The following LMO7 variants were observed in gnomAD, a reference collection of about 807,000 sequenced individuals.
LMO7 encodes LIM domain 7, also known as LIM domain only protein 7.
A neutral mutation model predicts 206.5 loss-of-function variants in LMO7; 120 were observed. That is an observed-to-expected ratio of 0.58 (90% CI 0.50 to 0.68). The LOEUF (loss-of-function observed/expected upper bound fraction) is 0.68, where lower values mean the gene tolerates loss of function less well. Among genes scored for constraint, LMO7 ranks in the 30% least tolerant of loss-of-function variants. The pLI is 0.00. For missense variants in LMO7, 1,959 were observed against 1,957.9 expected (o/e 1.00, Z -0.01); for synonymous variants, 706 against 681.5 (o/e 1.04, Z -0.56).
chr13:75,796,896 A>T (rs2054087913), intron 6 of LMO7, 147 bp downstream of exon 6: 2 of 607,604 alleles, frequency 3.3e-6, no homozygotes, highest in Admixed American at 5.8e-5. Flanking sequence ...TGGGCTGAGT[A>T]AAGAGGAATG....
intron 3 of LMO7, among the ~76,000 whole-genome samples, chr13:75,733,766 T>G (rs1371874647): frequency 2.0e-5 from 3 of 152,254 alleles, no homozygotes; most frequent in Non-Finnish European, 4.4e-5. Context: ...TTCGGCCATC[T>G]TGGCTCCTCC....
intron 11 of LMO7, among the ~76,000 whole-genome samples, chr13:75,814,218 A>C (rs1361509853): frequency 6.6e-6 from 1 of 152,216 alleles, no homozygotes; most frequent in Non-Finnish European, 1.5e-5. Flanking sequence ...TTACAAAAAG[A>C]ATTAGAAACA....
intron 4 of LMO7, among the ~76,000 whole-genome samples, chr13:75,787,445 ACTATG>A (rs1484663718): frequency 6.6e-6 from 1 of 152,188 alleles, no homozygotes. Flanking sequence ...TTTAAGTGAA[ACTATG>A]CTATTCTTAG....
At chr13:75,838,395 GGTC>G in intron 20 of LMO7, 199 bp downstream of exon 20, 5 of 1,460,990 alleles carry the variant, frequency 3.4e-6, no homozygotes, top group Non-Finnish European at 4.6e-6. Flanking sequence ...TGTGGTAATG[GGTC>G]TTTGTGTGTC....
At chr13:75,757,092 C>T (rs1272958712) in intron 3 of LMO7, among the ~76,000 whole-genome samples, 7 of 152,220 alleles carry the variant, frequency 4.6e-5, no homozygotes, top group Admixed American at 2.0e-4. Context: ...TGTCATAAGA[C>T]ATTGCAACTT....
intron 1 of LMO7, among the ~76,000 whole-genome samples, chr13:75,652,246 C>A (rs2037643481): frequency 6.6e-6 from 1 of 151,862 alleles, no homozygotes; most frequent in Non-Finnish European, 1.5e-5. Context: ...TCTGGTAGAT[C>A]CTTGTCCAAC....
intron 1 of LMO7, among the ~76,000 whole-genome samples, chr13:75,646,434 A>G (rs1407812814): frequency 1.3e-5 from 2 of 152,118 alleles, no homozygotes; most frequent in African/African-American, 4.8e-5. Context: ...TTACATTAAG[A>G]ATAAAGTCTG....
intron 13 of LMO7, among the ~76,000 whole-genome samples, chr13:75,820,245 G>C (rs1424293486): frequency 6.6e-6 from 1 of 152,130 alleles, no homozygotes; most frequent in Non-Finnish European, 1.5e-5. Context: ...TTGGGAGGTA[G>C]GTATTCCTTT....
chr13:75,856,767 G>T (rs1346008828), intron 30 of LMO7, 159 bp downstream of exon 30: 1 of 574,338 alleles, frequency 1.7e-6, no homozygotes, highest in African/African-American at 1.9e-5. Context: ...AGTGTGTATA[G>T]TGAATGGGTC....
chr13:75,808,324 G>T, intron 10 of LMO7, 125 bp downstream of exon 10: 1 of 1,128,332 alleles, frequency 8.9e-7, no homozygotes, highest in Non-Finnish European at 1.2e-6. Flanking sequence ...GAAGCATCCC[G>T]TAAAATTTAA....
intron 14 of LMO7, 91 bp downstream of exon 14, chr13:75,821,700 G>A: frequency 1.3e-6 from 1 of 791,832 alleles, no homozygotes; most frequent in Non-Finnish European, 2.0e-6. Flanking sequence ...AACTTGATGT[G>A]TAAACTGTAC....
Position 75,853,362 on chromosome 13 carries a change from A to G in LMO7, c.4635A>G (p.Ser1545=). 3 of 1,610,808 alleles carry G rather than the reference A, an allele frequency of 1.9e-6. No homozygotes were observed. The highest frequency in any genetic ancestry group is 8.5e-7 in the Non-Finnish European group (1 of 1,178,336). ...PTPRSHSPSA[S]QSGSQLRNRS... ...CGAGAAGCCATTCCCCTTCAGCTTCACAGTCAGGCTCTCAGCTGCGTAACA... is the reference window on the plus strand; with the variant it reads ...CGAGAAGCCATTCCCCTTCAGCTTCGCAGTCAGGCTCTCAGCTGCGTAACA... The change falls in exon 28 of 31, where the codon TCA becomes TCG. Residue 1545 remains serine, a synonymous_variant. Coordinates refer to ENST00000377534, the MANE Select transcript of LMO7 (RefSeq NM_001306080.2).
Position 75,735,364 on chromosome 13 carries a change from T to C in LMO7, c.210+8266T>C, listed in dbSNP as rs193001202. Among the ~76,000 whole-genome samples the C allele has an allele frequency of 2.8e-3, 414 of 150,280 alleles. 3 individuals carry two copies. The highest frequency in any genetic ancestry group is 9.9e-3 in the African/African-American group (405 of 41,024). On this transcript the variant is annotated intron_variant, in intron 3 of 30. Transcript: ENST00000377534. ...TTGGTGGGTTCTGTGTGTATTTGTA[T>C]ACACACACACACACACACAACTTTC...
chr13:75,640,973 C>A, intron 1 of LMO7, among the ~76,000 whole-genome samples: 1 of 152,214 alleles, frequency 6.6e-6, no homozygotes, highest in East Asian at 1.9e-4. Flanking sequence ...TGGGGACTTA[C>A]ATTTAGTCAT....
At chr13:75,701,561 G>C (rs1384730927) in intron 1 of LMO7, among the ~76,000 whole-genome samples, 2 of 152,068 alleles carry the variant, frequency 1.3e-5, no homozygotes, top group Non-Finnish European at 2.9e-5. Context: ...ATTATATTAA[G>C]CATTTGAACT....
chr13:75,632,177 G>C (rs1356793755), upstream of LMO7: 1 of 152,154 alleles, frequency 6.6e-6, no homozygotes, highest in Non-Finnish European at 1.5e-5. Context: ...GGCAGGTGCT[G>C]TACCTTTCTC....
intron 2 of LMO7, among the ~76,000 whole-genome samples, chr13:75,625,078 G>T (rs1484605809): frequency 6.6e-6 from 1 of 152,066 alleles, no homozygotes; most frequent in Non-Finnish European, 1.5e-5. Flanking sequence ...ATTTCTTTTG[G>T]TCTTCTCTGA....
intron 1 of LMO7, among the ~76,000 whole-genome samples, chr13:75,711,346 A>G (rs920219041): frequency 5.1e-4 from 78 of 152,148 alleles, no homozygotes; most frequent in Middle Eastern, 3.4e-3. Context: ...CTCTTTTTCT[A>G]TTGATTAGAA....
chr13:75,817,045 CTGAAGCGTCTAGG>C (rs2138208801), intron 11 of LMO7, 103 bp from the exon 12 acceptor site: 1 of 675,694 alleles, frequency 1.5e-6, no homozygotes, highest in South Asian at 1.8e-5. Context: ...GACACTATCA[CTGAAGCGTCTAGG>C]TAGAAATTTA....
Sources: allele counts gnomAD v4.1 joint callset (sites outside exome capture counted in the v4.1 genomes callset), GRCh38; gene constraint gnomAD v4.1.1; transcripts MANE v1.5; gene names NCBI Gene and HGNC (gene_info 2026-07-23, HGNC 2026-07-21).